Variants in SLC25A26 observed in about 807,000 individuals in gnomAD.
SLC25A26 encodes mitochondrial S-adenosylmethionine carrier protein.
Under a neutral mutation model 37.8 loss-of-function variants are expected in SLC25A26, and 36 were observed. The ratio of observed to expected loss-of-function variants is 0.95; its 90% CI spans 0.73 to 1.26. The LOEUF (loss-of-function observed/expected upper bound fraction) is 1.26, where lower values mean the gene tolerates loss of function less well. SLC25A26 is among the 50% of genes most tolerant of loss of function. The pLI, the probability that SLC25A26 is intolerant of heterozygous loss-of-function variation, is 0.00. For synonymous variants in SLC25A26, 129 were observed against 122.5 expected (o/e 1.05, Z -0.35); for missense variants, 390 against 331.1 (o/e 1.18, Z -1.38).
At chr3:66,350,386 T>C (rs183177364) in intron 6 of SLC25A26, among the ~76,000 whole-genome samples, 1 of 152,320 alleles carries the variant, frequency 6.6e-6, no homozygotes, top group Admixed American at 6.5e-5. Context: ...AGATTAAAAT[T>C]TGATTCCCTT....
chr3:66,140,507 A>G (rs1047714545), intron 1 of SLC25A26, among the ~76,000 whole-genome samples: 3 of 152,206 alleles, frequency 2.0e-5, no homozygotes, highest in Admixed American at 6.5e-5. Flanking sequence ...TGCACTTCAG[A>G]AAGGATCATT....
intron 3 of SLC25A26, among the ~76,000 whole-genome samples, chr3:66,250,932 T>G (rs1429152228): frequency 2.0e-5 from 3 of 152,220 alleles, no homozygotes; most frequent in Non-Finnish European, 4.4e-5. Context: ...ATCCATCATT[T>G]AACATAATTA....
At chr3:66,365,674 G>A (rs1163201924) in intron 7 of SLC25A26, among the ~76,000 whole-genome samples, 2 of 152,162 alleles carry the variant, frequency 1.3e-5, no homozygotes, top group African/African-American at 2.4e-5. Flanking sequence ...TTTGAAATTC[G>A]AGAACAGGGT....
intron 5 of SLC25A26, among the ~76,000 whole-genome samples, chr3:66,326,784 C>T (rs1011907232): frequency 6.6e-6 from 1 of 152,068 alleles, no homozygotes; most frequent in Non-Finnish European, 1.5e-5. Context: ...AAGCCTCCAG[C>T]GGAAAAAGAA....
intron 5 of SLC25A26, among the ~76,000 whole-genome samples, chr3:66,273,244 C>G (rs948704010): frequency 6.6e-6 from 1 of 152,068 alleles, no homozygotes; most frequent in Non-Finnish European, 1.5e-5. Context: ...GGATATTGGT[C>G]TAAAATTCTC....
upstream of SLC25A26, among the ~76,000 whole-genome samples, chr3:66,217,291 G>A (rs2071376086): frequency 6.6e-6 from 1 of 152,150 alleles, no homozygotes; most frequent in South Asian, 2.1e-4. Context: ...AGGAACATTA[G>A]TAGCTAGAAA....
At chr3:66,241,629 A>G (rs984593738) in intron 2 of SLC25A26, among the ~76,000 whole-genome samples, 1 of 152,204 alleles carries the variant, frequency 6.6e-6, no homozygotes, top group Non-Finnish European at 1.5e-5. Flanking sequence ...GAAAAGTCAG[A>G]GTACCAGGGT....
At chr3:66,361,200 C>T (rs1559738332) in intron 6 of SLC25A26, among the ~76,000 whole-genome samples, 1 of 152,120 alleles carries the variant, frequency 6.6e-6, no homozygotes, top group Admixed American at 6.5e-5. Context: ...GAAAACAAAA[C>T]CAAATAACTT....
At chr3:66,170,094 T>C (rs2070475110) in intron 1 of SLC25A26, among the ~76,000 whole-genome samples, 1 of 152,222 alleles carries the variant, frequency 6.6e-6, no homozygotes, top group Non-Finnish European at 1.5e-5. Context: ...ATTCAGGTTC[T>C]AAGCAAGTTC....
At chr3:66,259,758 G>T (rs973311837) in intron 3 of SLC25A26, among the ~76,000 whole-genome samples, 4 of 152,082 alleles carry the variant, frequency 2.6e-5, no homozygotes, top group African/African-American at 9.7e-5. Flanking sequence ...GCTGTCCTGT[G>T]CATTGCAGCC....
intron 1 of SLC25A26, among the ~76,000 whole-genome samples, chr3:66,142,104 A>T (rs2070044086): frequency 6.6e-6 from 1 of 152,202 alleles, no homozygotes; most frequent in South Asian, 2.1e-4. Flanking sequence ...TCATCACTCC[A>T]AAATTAAACC....
intron 5 of SLC25A26, among the ~76,000 whole-genome samples, chr3:66,340,512 C>T (rs541094816): frequency 2.6e-5 from 4 of 152,122 alleles, no homozygotes; most frequent in Non-Finnish European, 4.4e-5. Context: ...CGTTCTCACA[C>T]GTTTTCTTTT....
chr3:66,189,653 G>GAT (rs2070898219), intron 1 of SLC25A26, among the ~76,000 whole-genome samples: 1 of 152,094 alleles, frequency 6.6e-6, no homozygotes, highest in African/African-American at 2.4e-5. Flanking sequence ...TGTACTGTGT[G>GAT]CTTTCTTTTC....
At chr3:66,305,907 A>G (rs1292214206) in intron 5 of SLC25A26, among the ~76,000 whole-genome samples, 1 of 152,184 alleles carries the variant, frequency 6.6e-6, no homozygotes, top group African/African-American at 2.4e-5. Flanking sequence ...GAACTAATTT[A>G]CATTTTCACC....
chr3:66,310,922 A>C (rs1294324175), intron 5 of SLC25A26, among the ~76,000 whole-genome samples: 1 of 152,158 alleles, frequency 6.6e-6, no homozygotes, highest in African/African-American at 2.4e-5. Flanking sequence ...GCTGCCCTTA[A>C]CATTTTTTCC....
chr3:66,265,236 T>G (rs7629911), intron 5 of SLC25A26, among the ~76,000 whole-genome samples: 51,997 of 151,818 alleles, frequency 0.34, 9,359 homozygotes, highest in African/African-American at 0.45. Flanking sequence ...GAGCCTGGGA[T>G]GTCGAGGCTG....
chr3:66,191,617 C>T (rs1222330605), intron 1 of SLC25A26, among the ~76,000 whole-genome samples: 2 of 152,086 alleles, frequency 1.3e-5, no homozygotes, highest in Non-Finnish European at 2.9e-5. Flanking sequence ...TGGCTGGCTG[C>T]AGTACCTCAT....
At chr3:66,360,939 T>A (rs564869451) in intron 6 of SLC25A26, among the ~76,000 whole-genome samples, 2 of 152,344 alleles carry the variant, frequency 1.3e-5, no homozygotes, top group East Asian at 3.9e-4. Flanking sequence ...ATATTTAGAA[T>A]AGGTAGAAGG....
chr3:66,368,435 C>T (rs896209408), intron 7 of SLC25A26, among the ~76,000 whole-genome samples: 3 of 152,094 alleles, frequency 2.0e-5, no homozygotes, highest in African/African-American at 7.2e-5. Flanking sequence ...TCAGCCATCA[C>T]GACATTCAGA....
Sources: allele counts gnomAD v4.1 joint callset (sites outside exome capture counted in the v4.1 genomes callset), GRCh38; gene constraint gnomAD v4.1.1; transcripts MANE v1.5; gene names NCBI Gene and HGNC (gene_info 2026-07-23, HGNC 2026-07-21).